Variants in PTGIS observed in about 807,000 individuals in gnomAD.
The protein encoded by PTGIS is prostaglandin I2 synthase, also known as prostacyclin synthase.
A neutral mutation model predicts 50.3 loss-of-function variants in PTGIS; 45 were observed. The observed-to-expected ratio is 0.90, with a 90% CI of 0.70 to 1.15. PTGIS has a LOEUF of 1.15. PTGIS is among the 50% of genes most tolerant of loss of function. The probability of loss-of-function intolerance (pLI) is 0.00; values close to 1 mark genes in which losing one functional copy is unlikely to be tolerated. For missense variants in PTGIS, 668 were observed against 661.3 expected (o/e 1.01, Z -0.11); for synonymous variants, 260 against 267.7 (o/e 0.97, Z 0.28).
At chr20:49,514,093 G>T (rs1601179542) in intron 7 of PTGIS, 134 bp downstream of exon 7, 1 of 1,037,098 alleles carries the variant, frequency 9.6e-7, no homozygotes, top group Non-Finnish European at 1.4e-6. Flanking sequence ...TGTGAAGATA[G>T]GAGGCTTAGG....
At chr20:49,544,764 C>T (rs569493349) in intron 3 of PTGIS, among the ~76,000 whole-genome samples, 1 of 152,304 alleles carries the variant, frequency 6.6e-6, no homozygotes, top group African/African-American at 2.4e-5. Context: ...GGTCACACAG[C>T]CAAAGCGGGA....
intron 8 of PTGIS, 65 bp from the exon 9 acceptor site, chr20:49,511,244 T>A: frequency 6.3e-7 from 1 of 1,581,604 alleles, no homozygotes; most frequent in Non-Finnish European, 8.6e-7. Flanking sequence ...AAGAAAAATG[T>A]ATGAGGATGT....
At chr20:49,544,921 A>G (rs1220153814) in intron 3 of PTGIS, among the ~76,000 whole-genome samples, 2 of 152,200 alleles carry the variant, frequency 1.3e-5, no homozygotes, top group Non-Finnish European at 2.9e-5. Flanking sequence ...CTGAAATCTA[A>G]AGATAGGAAG....
chr20:49,511,167 T>C lies in PTGIS; in HGVS notation c.1219A>G (p.Asn407Asp). Reference protein sequence around the residue: ...IYTDPEVFKYNRFLNPDGSEK... With the variant: ...IYTDPEVFKYDRFLNPDGSEK... ...GATCCGTCAGGGTTCAGGAATCGGT[T>C]GTATTTAAATACCTGAAATAGGAAG... The change falls in exon 9 of 10, where the codon AAC becomes GAC. Residue 407 changes from asparagine to aspartate, a missense_variant. Coordinates refer to ENST00000244043, the MANE Select transcript of PTGIS (RefSeq NM_000961.4). 6.2e-7 allele frequency: 1 copy of C among 1,614,232 alleles called. No homozygotes were observed. Among genetic ancestry groups the C allele is most frequent in the Non-Finnish European group, 8.5e-7 (1 of 1,180,050 alleles).
intron 3 of PTGIS, among the ~76,000 whole-genome samples, chr20:49,547,638 A>AAAC (rs540160840): frequency 0.027 from 3,809 of 140,718 alleles, 52 homozygotes; most frequent in Non-Finnish European, 0.035. Flanking sequence ...AACAAACAAA[A>AAAC]AAACCCGCCA....
intron 6 of PTGIS, 30 bp from the exon 7 acceptor site, chr20:49,514,425 T>C (rs1981418506): frequency 6.2e-7 from 1 of 1,609,958 alleles, no homozygotes; most frequent in African/African-American, 1.3e-5. Context: ...TGTTATGCCA[T>C]TATGAGGGCA....
chr20:49,565,369 A>G (rs373320861), intron 1 of PTGIS, among the ~76,000 whole-genome samples: 2 of 152,180 alleles, frequency 1.3e-5, no homozygotes, highest in South Asian at 4.1e-4. Flanking sequence ...TCTTCCTGTG[A>G]ATTAAAAATT....
Position 49,551,793 on chromosome 20 carries a change from C to CAT in PTGIS, c.75-1606_75-1605dup, listed in dbSNP as rs1184420329. Among the ~76,000 whole-genome samples the CAT allele has an allele frequency of 1.7e-4, 21 of 121,850 alleles. No individual in the cohort carries two copies. In the South Asian group the frequency reaches 3.4e-3, roughly 20 times the overall value. The allele number at this position is 121,850 out of a possible 152,430, so 79.9% of individuals were successfully genotyped here. A position where few individuals can be genotyped will look rare whatever the true frequency, so the allele number is the denominator to read the frequency against. On this transcript the variant is annotated intron_variant, in intron 1 of 9. Coordinates refer to ENST00000244043, the MANE Select transcript of PTGIS (RefSeq NM_000961.4). ...GTATGCGTGTGTATGTGTGTGTATG[C>CAT]ATGTGTATGTGTTTGTGTGTGTGTG... is the stretch of plus-strand genomic sequence containing the variant.
intron 1 of PTGIS, 70 bp downstream of exon 1, chr20:49,567,973 C>A: frequency 2.1e-6 from 3 of 1,399,520 alleles, no homozygotes; most frequent in Non-Finnish European, 2.8e-6. Context: ...GGCTCCGAGA[C>A]CCTTGGGCTG....
At chr20:49,546,626 CAGT>C (rs1342926595) in intron 3 of PTGIS, among the ~76,000 whole-genome samples, 1 of 152,206 alleles carries the variant, frequency 6.6e-6, no homozygotes, top group African/African-American at 2.4e-5. Flanking sequence ...GCTGTGAAGT[CAGT>C]GGACCTGGGT....
chr20:49,539,535 T>TC (rs760612853), intron 5 of PTGIS, 35 bp downstream of exon 5: 108 of 1,604,454 alleles, frequency 6.7e-5, no homozygotes, highest in Non-Finnish European at 8.3e-5. Flanking sequence ...CTTTCCATCC[T>TC]CCCCCCCACC....
In PTGIS at chr20:49,568,046, G is replaced by T; in HGVS notation, c.71C>A (p.Thr24Lys). The T allele has an allele frequency of 2.0e-6, 3 of 1,484,566 alleles. No individual in the cohort carries two copies. Among genetic ancestry groups the T allele is most frequent in the Non-Finnish European group, 2.7e-6 (3 of 1,124,226 alleles). 92.0% of individuals were successfully genotyped at this position (1,484,566 alleles called of 1,614,324 possible). ...CCGAGCGGAGCAGGACACTCACCGC[G>T]TGCGGCGGCGGCTCAGTAGCAGCAG... is the stretch of plus-strand genomic sequence containing the variant. Reference protein sequence around the residue: ...LLLLLLSRRRTRRPGEPPLDL... With the variant: ...LLLLLLSRRRKRRPGEPPLDL... Residue 24 changes from threonine to lysine, a missense_variant, in exon 1 of 10, where the codon ACG becomes AAG. Physicochemically the swap from Thr to Lys is moderately conservative, Grantham distance 78 (BLOSUM62 -1). Coordinates refer to ENST00000244043, the MANE Select transcript of PTGIS (RefSeq NM_000961.4).
Position 49,553,561 on chromosome 20 carries a change from TA to T in PTGIS, c.75-3373del, listed in dbSNP as rs1841846084. Among the ~76,000 whole-genome samples, 20 of 152,106 alleles carry T rather than the reference TA, an allele frequency of 1.3e-4. No homozygotes were observed. The South Asian group carries it at 4.1e-3, about 32-fold the overall frequency. Reference sequence around the variant, plus strand: ...TTCAGAATCTAAAGTGATATTAAATTAAATAATAGATACCCATTAAATGTCT... The same window carrying T: ...TTCAGAATCTAAAGTGATATTAAATTAATAATAGATACCCATTAAATGTCT... On this transcript the variant is annotated intron_variant, in intron 1 of 9. Coordinates refer to ENST00000244043, the MANE Select transcript of PTGIS (RefSeq NM_000961.4).
intron 3 of PTGIS, among the ~76,000 whole-genome samples, chr20:49,547,314 C>T (rs1273348055): frequency 6.6e-6 from 1 of 152,200 alleles, no homozygotes; most frequent in African/African-American, 2.4e-5. Context: ...TGAGACAAGT[C>T]ACTTCTCTGA....
At chr20:49,531,126 G>A (rs1043201978) in intron 5 of PTGIS, among the ~76,000 whole-genome samples, 15 of 152,134 alleles carry the variant, frequency 9.9e-5, no homozygotes, top group Admixed American at 7.2e-4. Flanking sequence ...ACCCCATATC[G>A]GGTATGTGGT....
At chr20:49,533,217 C>T (rs1443958236) in intron 5 of PTGIS, among the ~76,000 whole-genome samples, 1 of 152,120 alleles carries the variant, frequency 6.6e-6, no homozygotes. Context: ...AGAGAGGCCC[C>T]CAGAAGACAC....
intron 1 of PTGIS, among the ~76,000 whole-genome samples, chr20:49,553,255 C>A (rs982319768): frequency 6.6e-6 from 1 of 152,006 alleles, no homozygotes; most frequent in African/African-American, 2.4e-5. Flanking sequence ...AGAGAATTAT[C>A]ATTGTGTAAC....
rs911991935 is a variant in PTGIS, at chr20:49,553,530, A to G, written c.75-3341T>C. 1.5e-4 allele frequency among the ~76,000 whole-genome samples: 23 copies of G among 152,174 alleles called. 1 individual carries two copies. Among genetic ancestry groups the G allele is most frequent in the African/African-American group, 4.8e-4 (20 of 41,584 alleles). ...AAATAAATGCTTATAAATAAATGTC[A>G]TATAATTCAGAATCTAAAGTGATAT... On this transcript the variant is annotated intron_variant, in intron 1 of 9. Transcript: ENST00000244043.
chr20:49,563,094 G>T (rs1827656296), intron 1 of PTGIS, among the ~76,000 whole-genome samples: 1 of 152,180 alleles, frequency 6.6e-6, no homozygotes, highest in African/African-American at 2.4e-5. Flanking sequence ...GTTCAGCTGT[G>T]CAATGTTGGG....
Sources: allele counts gnomAD v4.1 joint callset (sites outside exome capture counted in the v4.1 genomes callset), GRCh38; gene constraint gnomAD v4.1.1; transcripts MANE v1.5; gene names NCBI Gene and HGNC (gene_info 2026-07-23, HGNC 2026-07-21).